The following SMG1 variants were observed in gnomAD, a reference collection of about 807,000 sequenced individuals.
SMG1 encodes the protein SMG1 nonsense mediated mRNA decay associated PI3K related kinase.
In SMG1, 22 loss-of-function variants were observed where a neutral mutation model predicts 419.9. That is an observed-to-expected ratio of 0.05 (90% CI 0.04 to 0.07). The LOEUF is 0.07. Ranked by LOEUF, SMG1 falls within the 10% of genes least tolerant of loss-of-function variation. The pLI, the probability that SMG1 is intolerant of heterozygous loss-of-function variation, is 1.00. For missense variants in SMG1, 3,185 were observed against 4,342.0 expected (o/e 0.73, Z 7.49); for synonymous variants, 1,538 against 1,553.5 (o/e 0.99, Z 0.23).
chr16:18,814,029 C>CA (rs34998351), intron 60 of SMG1, among the ~76,000 whole-genome samples: 6,971 of 59,912 alleles, frequency 0.12, 602 homozygotes, highest in African/African-American at 0.21. Context: ...AGACTCATCT[C>CA]AAAAAAAAAA....
chr16:18,827,429 AAT>A (rs201263828), intron 55 of SMG1, among the ~76,000 whole-genome samples: 4 of 128,202 alleles, frequency 3.1e-5, no homozygotes, highest in African/African-American at 3.0e-5. Context: ...CTGTCTCCAA[AAT>A]ATATATATAT....
Position 18,853,829 on chromosome 16 carries a change from C to T in SMG1, c.4522G>A (p.Ala1508Thr). The T allele has an allele frequency of 6.2e-7, 1 of 1,613,010 alleles. No individual in the cohort carries two copies. Among genetic ancestry groups the T allele is most frequent in the Non-Finnish European group, 8.5e-7 (1 of 1,179,446 alleles). ...TTCACAGACTTGCAGAAAGATATGG[C>T]ACAAGAACTCAACATTTCCATTGCA... ...THAMEMLSSC[A>T]ISFCKSVKAE... Residue 1508 changes from alanine to threonine, a missense_variant, in exon 31 of 63, where the codon GCC (alanine) becomes ACC (threonine). Physicochemically the swap from Ala to Thr is moderately conservative, Grantham distance 58 (BLOSUM62 0). Around this residue, in one of 27 missense-constraint regions of SMG1, gnomAD observed 493 missense variants for 552.9 expected, o/e 0.89. Transcript: ENST00000446231.
At chr16:18,844,570 T>TCTCTCTCACACACACACA (rs148412501) in intron 39 of SMG1, among the ~76,000 whole-genome samples, 1 of 88,522 alleles carries the variant, frequency 1.1e-5, no homozygotes, top group African/African-American at 5.7e-5. Flanking sequence ...CATCCTTCTC[T>TCTCTCTCACACACACACA]CACACACACA....
At position 18,829,942 on chromosome 16, in the gene SMG1, A is replaced by G; in HGVS notation, c.9117T>C (p.Phe3039=). Residue 3039 remains phenylalanine (F), a synonymous_variant, in exon 53 of 63, where the codon TTT becomes TTC. Coordinates refer to ENST00000446231, the MANE Select transcript of SMG1 (RefSeq NM_015092.5). The stretch of plus-strand genomic sequence containing the variant: ...GAATATTACCTGACAATGTTTTAGA[A>G]AAGGTACCACAGAGCCTGAAGAACT... ...IKEFFRLCGT[F]SKTLSGSSSL... 6.4e-7 allele frequency: 1 copy of G among 1,555,740 alleles called. No homozygotes were observed. The highest frequency in any genetic ancestry group is 1.2e-5 in the South Asian group (1 of 81,412).
rs2036586131 is a variant in SMG1, at chr16:18,885,785, T to G, written c.823-119A>C. 5 of 936,120 alleles carry G rather than the reference T, an allele frequency of 5.3e-6. No individual in the cohort carries two copies. The African/African-American group carries it at 6.7e-5, about 13-fold the overall frequency. The allele number at this position is 936,120 out of a possible 1,614,324, so 58.0% of individuals were successfully genotyped here. A position where few individuals can be genotyped will look rare whatever the true frequency, so the allele number is the denominator to read the frequency against. On this transcript the variant is annotated intron_variant, in intron 6 of 62. Transcript: ENST00000446231. ...TGAATATGAGACCAAGAAAAATAGA[T>G]TCTGTAGTTTTAGTTAAAAAAAAAA...
intron 1 of SMG1, among the ~76,000 whole-genome samples, chr16:18,915,936 G>A (rs2037954633): frequency 6.6e-6 from 1 of 151,688 alleles, no homozygotes; most frequent in Non-Finnish European, 1.5e-5. Context: ...AGGCGTGGTG[G>A]CAGGCATCTG....
chr16:18,864,128 C>A lies in SMG1; in HGVS notation c.3367G>T (p.Val1123Leu), dbSNP rs1308352432. 6.5e-7 allele frequency: 1 copy of A among 1,535,024 alleles called. No individual in the cohort carries two copies. The highest frequency in any genetic ancestry group is 1.4e-5 in the African/African-American group (1 of 71,700). ...QAEGRFEKAS[V>L]EYQEHLCAMT... is the part of the protein sequence containing the mutation. ...GCACACAGGTGTTCCTGGTACTCCA[C>A]AGAGGCCTTTTCAAACCTGAAAAGC... Residue 1123 changes from valine to leucine, a missense_variant, in exon 24 of 63, where the codon GTG becomes TTG. Transcript: ENST00000446231.
At chr16:18,865,968 G>A (rs2035479752) in intron 23 of SMG1, among the ~76,000 whole-genome samples, 3 of 151,870 alleles carry the variant, frequency 2.0e-5, no homozygotes, top group Admixed American at 1.3e-4. Context: ...AGCCTAACAT[G>A]GCAAATTTTT....
intron 10 of SMG1, among the ~76,000 whole-genome samples, chr16:18,881,232 CTTTTA>C (rs990079930): frequency 1.3e-4 from 19 of 151,730 alleles, no homozygotes; most frequent in Admixed American, 5.9e-4. Context: ...AATTATGTCC[CTTTTA>C]TTTTATGTCT....
rs1237996468 is a variant in SMG1, at chr16:18,879,570, A to G, written c.1443T>C (p.Tyr481=). 7.8e-7 allele frequency: 1 copy of G among 1,288,968 alleles called. No individual in the cohort carries two copies. Among genetic ancestry groups the G allele is most frequent in the South Asian group, 1.3e-5 (1 of 78,982 alleles). The allele number at this position is 1,288,968 out of a possible 1,614,324, so 79.8% of individuals were successfully genotyped here. ...GGCAATTCTCCAGTTGGTCTAATCC[A>G]TATGTAATGACCATGTCACAATGTA... ...MTIHCDMVIT[Y]GLDQLENCQT... is the part of the protein sequence containing the mutation. The change falls in exon 11 of 63, where the codon TAT becomes TAC. Residue 481 remains tyrosine (Y), a synonymous_variant. Coordinates refer to ENST00000446231, the MANE Select transcript of SMG1 (RefSeq NM_015092.5).
intron 56 of SMG1, among the ~76,000 whole-genome samples, 182 bp downstream of exon 56, chr16:18,819,320 G>T (rs1454760018): frequency 2.0e-5 from 3 of 152,174 alleles, no homozygotes; most frequent in African/African-American, 7.2e-5. Context: ...AAAGGCCAAG[G>T]AAATAACCTG....
rs2033460474 is a variant in SMG1, at chr16:18,834,952, C to T, written c.8270G>A (p.Gly2757Glu). 4 of 1,614,010 alleles carry T rather than the reference C, an allele frequency of 2.5e-6. No homozygotes were observed. The highest frequency in any genetic ancestry group is 3.4e-6 in the Non-Finnish European group (4 of 1,179,878). ...RCIKVFLHEN[G>E]EEGSLSLASV... ...TGCTAGACTCAAAGATCCTTCTTCT[C>T]CATTCTCATGAAGGAAAACTTTAAT... Residue 2757 changes from glycine (G) to glutamate (E), a missense_variant, in exon 49 of 63, where the codon GGA becomes GAA. Gly to Glu is a moderately conservative substitution (Grantham distance 98). Transcript: ENST00000446231.
rs955477786 is a variant in SMG1 at position 18,827,369 on chromosome 16, T to C, written c.9741+662A>G. ...TGAACCCGAGAGGCAGAGGTTGCAG[T>C]GAGGTGAGATAGTGCCACTGCACTC... On this transcript the variant is annotated intron_variant, in intron 55 of 62. Coordinates refer to ENST00000446231, the MANE Select transcript of SMG1 (RefSeq NM_015092.5). Among the ~76,000 whole-genome samples, 18 of 150,944 alleles carry C rather than the reference T, an allele frequency of 1.2e-4. No homozygotes were observed. In the East Asian group the frequency reaches 3.5e-3, roughly 29 times the overall value.
chr16:18,847,343 A>T, intron 38 of SMG1, 110 bp downstream of exon 38: 1 of 1,140,098 alleles, frequency 8.8e-7, no homozygotes, highest in Non-Finnish European at 1.3e-6. Flanking sequence ...GAATGTATTT[A>T]ATGCCACTGA....
intron 42 of SMG1, 79 bp downstream of exon 42, chr16:18,839,608 AGGAAGGGAAGG>A: frequency 6.6e-7 from 1 of 1,514,026 alleles, no homozygotes; most frequent in South Asian, 1.2e-5. Context: ...GGACAGAGGA[AGGAAGGGAAGG>A]AGGACAAACA....
At chr16:18,893,611 C>A (rs2036981775) in intron 3 of SMG1, among the ~76,000 whole-genome samples, 2 of 151,676 alleles carry the variant, frequency 1.3e-5, no homozygotes, top group Admixed American at 6.6e-5. Context: ...CAGAGCGAGA[C>A]TGTCTCAAAA....
rs752411971 is a variant in SMG1, at chr16:18,896,942, G to A, written c.107C>T (p.Ser36Leu). The change falls in exon 2 of 63, where the codon TCA becomes TTA. Residue 36 changes from serine (S) to leucine (L), a missense_variant. Around this residue, in one of 27 missense-constraint regions of SMG1, gnomAD observed 88 missense variants for 85.9 expected, o/e 1.02. Transcript: ENST00000446231. ...ATATTTTAAATTATCTGGGTCGGCTGATGCACTATCAGTTCTATAAAAAGA... is the reference window on the plus strand; with the variant it reads ...ATATTTTAAATTATCTGGGTCGGCTAATGCACTATCAGTTCTATAAAAAGA... Reference protein sequence around the residue: ...NDWQPRTDSASADPDNLKYSS... With the variant: ...NDWQPRTDSALADPDNLKYSS... 17 of 1,567,960 alleles carry A rather than the reference G, an allele frequency of 1.1e-5. No individual in the cohort carries two copies. The highest frequency in any genetic ancestry group is 1.4e-5 in the Non-Finnish European group (16 of 1,153,968).
chr16:18,875,865 C>A, intron 13 of SMG1: 1 of 530,188 alleles, frequency 1.9e-6, no homozygotes, highest in Non-Finnish European at 3.3e-6. Flanking sequence ...AGGAGAAATT[C>A]ATAAGACATT....
chr16:18,890,628 C>T (rs1200350497), intron 5 of SMG1, among the ~76,000 whole-genome samples: 4 of 152,078 alleles, frequency 2.6e-5, no homozygotes, highest in Non-Finnish European at 1.5e-5. Flanking sequence ...CCAGCCTGGG[C>T]GACAGGGTGA....
Sources: gnomAD v4.1 joint callset for allele counts (sites outside exome capture counted in the v4.1 genomes callset) on GRCh38, gnomAD v4.1.1 for gene constraint, gnomAD v4.1.1 regional missense constraint, MANE v1.5 for transcripts, NCBI Gene and HGNC (gene_info 2026-07-23, HGNC 2026-07-21) for gene names.